Variants in BRINP3 observed in about 807,000 individuals in gnomAD.
BRINP3 encodes BMP/retinoic acid-inducible neural-specific protein 3.
A neutral mutation model predicts 71.0 loss-of-function variants in BRINP3; 19 were observed. That is an observed-to-expected ratio of 0.27 (90% CI 0.19 to 0.39). BRINP3 has a LOEUF of 0.39. Ranked by LOEUF, BRINP3 falls within the 10% of genes least tolerant of loss-of-function variation. The pLI is 1.00. For missense variants in BRINP3, 959 were observed against 940.8 expected, an observed-to-expected ratio of 1.02 and a Z score of -0.25; for synonymous variants, 380 against 337.7, an observed-to-expected ratio of 1.13 and a Z score of -1.37.
intron 4 of BRINP3, among the ~76,000 whole-genome samples, chr1:190,263,703 C>T (rs1278476180): frequency 6.6e-6 from 1 of 151,392 alleles, no homozygotes; most frequent in South Asian, 2.1e-4. Flanking sequence ...CATTCTCCTG[C>T]CTCAGCCTCC....
At chr1:190,261,950 A>G (rs1661219240) in intron 4 of BRINP3, among the ~76,000 whole-genome samples, 1 of 152,192 alleles carries the variant, frequency 6.6e-6, no homozygotes, top group Non-Finnish European at 1.5e-5. Flanking sequence ...AGCCTACTGA[A>G]GTCCCCTCAC....
chr1:190,361,254 A>T (rs76645272), intron 2 of BRINP3, among the ~76,000 whole-genome samples: 2 of 152,248 alleles, frequency 1.3e-5, no homozygotes, highest in East Asian at 3.9e-4. Flanking sequence ...ATATTAATCA[A>T]GTAGGTTTTT....
At chr1:190,276,637 A>T (rs1230242796) in intron 3 of BRINP3, among the ~76,000 whole-genome samples, 1 of 151,280 alleles carries the variant, frequency 6.6e-6, no homozygotes, top group African/African-American at 2.4e-5. Context: ...TTACATACAC[A>T]CACACACATA....
intron 2 of BRINP3, among the ~76,000 whole-genome samples, chr1:190,433,276 CAATT>C (rs1375609452): frequency 6.6e-6 from 1 of 152,202 alleles, no homozygotes; most frequent in African/African-American, 2.4e-5. Context: ...ACAGATCAAT[CAATT>C]ATACTCTGAT....
chr1:190,287,366 T>G (rs1318435225), intron 2 of BRINP3, among the ~76,000 whole-genome samples: 2 of 152,184 alleles, frequency 1.3e-5, no homozygotes, highest in Non-Finnish European at 2.9e-5. Context: ...ATAAAACAGC[T>G]AAATGCTCAG....
chr1:190,333,300 C>T (rs1435545154), intron 2 of BRINP3, among the ~76,000 whole-genome samples: 3 of 151,704 alleles, frequency 2.0e-5, no homozygotes, highest in African/African-American at 7.3e-5. Context: ...TTTCTGAAGC[C>T]CTTCTTCTGA....
intron 3 of BRINP3, among the ~76,000 whole-genome samples, chr1:190,279,514 A>G (rs2102929690): frequency 6.6e-6 from 1 of 152,034 alleles, no homozygotes; most frequent in South Asian, 2.1e-4. Flanking sequence ...ATCAGGATTC[A>G]ACAAGGATAT....
intron 6 of BRINP3, among the ~76,000 whole-genome samples, chr1:190,215,109 A>G (rs1047737112): frequency 2.0e-4 from 29 of 145,184 alleles, no homozygotes; most frequent in African/African-American, 4.3e-4. Context: ...AAAAAAAAAA[A>G]GAAATGAAAT....
intron 6 of BRINP3, among the ~76,000 whole-genome samples, chr1:190,216,025 A>C (rs1656385018): frequency 6.6e-6 from 1 of 151,642 alleles, no homozygotes; most frequent in Non-Finnish European, 1.5e-5. Flanking sequence ...TCCAAAAAAA[A>C]AAACAACTGG....
At chr1:190,160,344 T>G (rs868103487) in intron 7 of BRINP3, among the ~76,000 whole-genome samples, 8 of 152,038 alleles carry the variant, frequency 5.3e-5, no homozygotes, top group Non-Finnish European at 1.0e-4. Context: ...AGGCTCACAA[T>G]GTAACCATAG....
chr1:190,230,215 A>G (rs1442883953), intron 5 of BRINP3, among the ~76,000 whole-genome samples: 3 of 151,976 alleles, frequency 2.0e-5, no homozygotes, highest in South Asian at 2.1e-4. Flanking sequence ...ATAACACAGA[A>G]TGAGAGGAAA....
At chr1:190,274,329 G>A (rs1283188401) in intron 3 of BRINP3, among the ~76,000 whole-genome samples, 2 of 151,320 alleles carry the variant, frequency 1.3e-5, no homozygotes, top group Non-Finnish European at 3.0e-5. Context: ...CTGCCCTTGA[G>A]TTAGTCCATT....
intron 5 of BRINP3, among the ~76,000 whole-genome samples, chr1:190,231,117 AT>A (rs564101128): frequency 9.2e-5 from 14 of 151,846 alleles, no homozygotes; most frequent in South Asian, 6.2e-4. Context: ...ATGAAGAAAT[AT>A]TTTTTTAAAG....
At chr1:190,398,978 A>T (rs191539929) in intron 2 of BRINP3, among the ~76,000 whole-genome samples, 1 of 152,106 alleles carries the variant, frequency 6.6e-6, no homozygotes, top group African/African-American at 2.4e-5. Flanking sequence ...GAGTGGTCAT[A>T]TGTCCATCAT....
intron 2 of BRINP3, among the ~76,000 whole-genome samples, chr1:190,375,550 T>C (rs1460354223): frequency 6.6e-6 from 1 of 151,898 alleles, no homozygotes; most frequent in Non-Finnish European, 1.5e-5. Context: ...ATCTAATTTA[T>C]AAAAATCTCT....
intron 2 of BRINP3, among the ~76,000 whole-genome samples, chr1:190,314,174 C>T (rs1665724809): frequency 1.3e-5 from 2 of 151,830 alleles, no homozygotes; most frequent in African/African-American, 2.4e-5. Context: ...TCAATCTGTA[C>T]CAAAAATTGT....
chr1:190,323,698 T>C (rs540514598), intron 2 of BRINP3, among the ~76,000 whole-genome samples: 1 of 151,800 alleles, frequency 6.6e-6, no homozygotes, highest in African/African-American at 2.4e-5. Flanking sequence ...TGAGATTACA[T>C]GGGAAAGCAA....
intron 2 of BRINP3, among the ~76,000 whole-genome samples, chr1:190,286,511 G>A (rs1663436489): frequency 6.6e-6 from 1 of 151,960 alleles, no homozygotes; most frequent in Admixed American, 6.6e-5. Flanking sequence ...TAGAAATTTT[G>A]GATTAAATAC....
At chr1:190,230,374 G>A (rs1205254593) in intron 5 of BRINP3, among the ~76,000 whole-genome samples, 1 of 151,952 alleles carries the variant, frequency 6.6e-6, no homozygotes, top group African/African-American at 2.4e-5. Context: ...GCTGGTCAAT[G>A]TTCTTCAATG....
Sources: gnomAD v4.1 joint callset for allele counts (sites outside exome capture counted in the v4.1 genomes callset) on GRCh38, gnomAD v4.1.1 for gene constraint, MANE v1.5 for transcripts, NCBI Gene and HGNC (gene_info 2026-07-23, HGNC 2026-07-21) for gene names.